Variants in NRAP observed in about 807,000 individuals in gnomAD.
NRAP encodes nebulin-related-anchoring protein.
Under a neutral mutation model 225.9 loss-of-function variants are expected in NRAP, and 189 were observed. The ratio of observed to expected loss-of-function variants is 0.84; its 90% CI spans 0.74 to 0.94. NRAP has a LOEUF of 0.94. NRAP is among the 40% of genes least tolerant of loss of function. NRAP has a pLI of 0.00. For synonymous variants in NRAP, 769 were observed against 790.7 expected (o/e 0.97, Z 0.46); for missense variants, 2,176 against 2,168.7 (o/e 1.00, Z -0.07).
At chr10:113,605,032 G>A in intron 34 of NRAP, 112 bp from the exon 35 acceptor site, 2 of 1,189,074 alleles carry the variant, frequency 1.7e-6, no homozygotes, top group South Asian at 3.1e-5. Flanking sequence ...AAACCACAGT[G>A]GGGCTGGCCT....
rs928121075 is a variant in NRAP at position 113,663,896 on chromosome 10, G to A, written c.-14C>T. 1.9e-6 allele frequency: 3 copies of A among 1,608,494 alleles called. No homozygotes were observed. Among genetic ancestry groups the A allele is most frequent in the Non-Finnish European group, 2.6e-6 (3 of 1,175,050 alleles). On this transcript the variant is annotated 5_prime_UTR_variant, in exon 1 of 42. Transcript: ENST00000359988. The stretch of plus-strand genomic sequence containing the variant: ...CTGCACATTCATCTCGAAGCCGGAA[G>A]AGAGAGGACAAAGATAGGCAACAGG...
intron 37 of NRAP, 93 bp downstream of exon 37, chr10:113,596,993 C>A: frequency 1.2e-6 from 1 of 808,656 alleles, no homozygotes; most frequent in Non-Finnish European, 2.1e-6. Context: ...AGGTTTGCAC[C>A]CCCATCTGTC....
At chr10:113,650,411 C>T (rs1323058235) in intron 8 of NRAP, 27 bp downstream of exon 8, 3 of 1,519,482 alleles carry the variant, frequency 2.0e-6, no homozygotes, top group Middle Eastern at 1.7e-4. Flanking sequence ...TTCTCCCTAA[C>T]ATGACCACAT....
chr10:113,613,158 C>T (rs192000224), intron 29 of NRAP, among the ~76,000 whole-genome samples: 40 of 152,262 alleles, frequency 2.6e-4, no homozygotes, highest in African/African-American at 8.7e-4. Flanking sequence ...GACCTCCTAT[C>T]CCCACTTCCA....
chr10:113,592,706 C>T (rs1846063050), intron 38 of NRAP, among the ~76,000 whole-genome samples: 1 of 152,184 alleles, frequency 6.6e-6, no homozygotes, highest in African/African-American at 2.4e-5. Context: ...AAGTGCTGTT[C>T]CTTGGGCCTT....
chr10:113,633,038 A>G (rs766020411), intron 16 of NRAP, 46 bp downstream of exon 16: 6 of 976,726 alleles, frequency 6.1e-6, no homozygotes, highest in East Asian at 2.4e-5. Flanking sequence ...TTGTTTTCAC[A>G]TCGCTCTATA....
Position 113,662,382 on chromosome 10 carries a change from C to T in NRAP, c.255+297G>A, listed in dbSNP as rs112522621. ...TCTAGCTATTTTGAAATATATGATA[C>T]ATTGTTGTTAATTGTGGTCATCCTA... On this transcript the variant is annotated intron_variant, in intron 3 of 41. Transcript: ENST00000359988. 3.0e-3 allele frequency among the ~76,000 whole-genome samples: 457 copies of T among 151,256 alleles called. 5 individuals are homozygous for T. The highest frequency in any genetic ancestry group is 0.011 in the African/African-American group (437 of 40,958).
chr10:113,653,961 T>C (rs534467215), intron 5 of NRAP, 60 bp downstream of exon 5: 4 of 986,214 alleles, frequency 4.1e-6, no homozygotes, highest in East Asian at 4.8e-5. Flanking sequence ...CAAGGAACAG[T>C]CAAACTAATT....
At chr10:113,647,172 T>C in intron 9 of NRAP, 145 bp from the exon 10 acceptor site, 1 of 642,528 alleles carries the variant, frequency 1.6e-6, no homozygotes. Context: ...AGTTTAAACA[T>C]TCCTTTTAAG....
intron 21 of NRAP, among the ~76,000 whole-genome samples, chr10:113,625,239 G>A (rs980375052): frequency 2.0e-5 from 3 of 152,120 alleles, no homozygotes; most frequent in Non-Finnish European, 4.4e-5. Context: ...TATTTACACT[G>A]TCTGTGGCCA....
At chr10:113,653,891 T>G (rs1379663771) in intron 5 of NRAP, 130 bp downstream of exon 5, 4 of 716,574 alleles carry the variant, frequency 5.6e-6, no homozygotes, top group Non-Finnish European at 7.7e-6. Context: ...GTTTCAGGGA[T>G]TAGGACATGG....
At chr10:113,589,337 C>G (rs557301632) in intron 41 of NRAP, 3 of 566,928 alleles carry the variant, frequency 5.3e-6, no homozygotes, top group Non-Finnish European at 9.4e-6. Context: ...TCATATCCAG[C>G]GAGTCCCTGA....
chr10:113,595,499 A>T, intron 38 of NRAP, 124 bp downstream of exon 38: 2 of 633,690 alleles, frequency 3.2e-6, no homozygotes, highest in Non-Finnish European at 5.7e-6. Flanking sequence ...TTCTCAGTTC[A>T]GTGTCCTTTC....
intron 35 of NRAP, among the ~76,000 whole-genome samples, chr10:113,598,404 T>C (rs1252674039): frequency 6.6e-6 from 1 of 151,604 alleles, no homozygotes; most frequent in Non-Finnish European, 1.5e-5. Context: ...GCTGGGATTA[T>C]TTTGTTTCAT....
intron 24 of NRAP, among the ~76,000 whole-genome samples, chr10:113,621,130 G>A (rs760926347): frequency 4.6e-5 from 7 of 152,244 alleles, no homozygotes; most frequent in Admixed American, 2.6e-4. Context: ...ACAAGGCAGC[G>A]GAGGCTTCCC....
At chr10:113,636,045 G>A (rs1386880204) in intron 14 of NRAP, among the ~76,000 whole-genome samples, 4 of 152,096 alleles carry the variant, frequency 2.6e-5, no homozygotes, top group Non-Finnish European at 5.9e-5. Context: ...GAGCTCCCCC[G>A]GCTTGGCTCA....
intron 19 of NRAP, 118 bp downstream of exon 19, chr10:113,629,470 G>A: frequency 2.8e-6 from 2 of 716,360 alleles, no homozygotes; most frequent in Non-Finnish European, 4.7e-6. Context: ...TACATTTCCT[G>A]CAGTTCTTCC....
At chr10:113,654,938 A>T (rs1850216473) in intron 4 of NRAP, among the ~76,000 whole-genome samples, 1 of 152,200 alleles carries the variant, frequency 6.6e-6, no homozygotes, top group Admixed American at 6.5e-5. Flanking sequence ...GAAGGCAGTG[A>T]TGGGCTCAGT....
chr10:113,663,779 T>G (rs771297864), intron 1 of NRAP, 32 bp downstream of exon 1: 15 of 1,501,842 alleles, frequency 1.0e-5, no homozygotes, highest in African/African-American at 1.4e-5. Flanking sequence ...GTGTTTGTTA[T>G]TATTCACAAA....
Sources: gnomAD v4.1 joint callset for allele counts (sites outside exome capture counted in the v4.1 genomes callset) on GRCh38, gnomAD v4.1.1 for gene constraint, MANE v1.5 for transcripts, NCBI Gene and HGNC (gene_info 2026-07-23, HGNC 2026-07-21) for gene names.